Variants in SBF2 observed in about 807,000 individuals in gnomAD.
The protein encoded by SBF2 is myotubularin-related protein 13.
A neutral mutation model predicts 225.2 loss-of-function variants in SBF2; 112 were observed. The ratio of observed to expected loss-of-function variants is 0.50; its 90% CI spans 0.43 to 0.58. The LOEUF (loss-of-function observed/expected upper bound fraction) is 0.58, where lower values mean the gene tolerates loss of function less well. Ranked by LOEUF, SBF2 falls within the 20% of genes least tolerant of loss-of-function variation. The probability of loss-of-function intolerance (pLI) is 0.00; values close to 1 mark genes in which losing one functional copy is unlikely to be tolerated. For synonymous variants in SBF2, 763 were observed against 773.3 expected (o/e 0.99, Z 0.22); for missense variants, 1,996 against 2,206.2 (o/e 0.90, Z 1.91).
intron 1 of SBF2, among the ~76,000 whole-genome samples, chr11:10,204,170 A>G (rs1462043808): frequency 1.3e-5 from 2 of 151,716 alleles, no homozygotes; most frequent in African/African-American, 4.8e-5. Context: ...TATAAGAATG[A>G]CAGCAGACTT....
At chr11:9,796,538 G>C (rs1488747335) in intron 32 of SBF2, among the ~76,000 whole-genome samples, 1 of 152,166 alleles carries the variant, frequency 6.6e-6, no homozygotes, top group African/African-American at 2.4e-5. Context: ...GATGTTTTCT[G>C]GTCAAAAGAA....
At position 10,179,102 on chromosome 11, in the gene SBF2, C is replaced by T. The variant is rs531771871; in HGVS notation, c.141+14800G>A. On this transcript the variant is annotated intron_variant, in intron 2 of 39. Coordinates refer to ENST00000256190, the MANE Select transcript of SBF2 (RefSeq NM_030962.4). ...AGTAAACTATCGCAAGAACAAAAAA[C>T]GAAACACCACATATTCTCACTCATA... Among the ~76,000 whole-genome samples, 567 of 149,706 alleles carry T rather than the reference C, an allele frequency of 3.8e-3. 6 individuals are homozygous for T. Among genetic ancestry groups the T allele is most frequent in the South Asian group, 5.7e-3 (27 of 4,758 alleles).
chr11:10,283,445 C>G (rs59709366), intron 1 of SBF2, among the ~76,000 whole-genome samples: 4,895 of 152,018 alleles, frequency 0.032, 236 homozygotes, highest in African/African-American at 0.1. Flanking sequence ...TCTAGCTTGT[C>G]TCTCTCATAG....
chr11:9,945,824 T>C (rs912287575), intron 16 of SBF2, among the ~76,000 whole-genome samples: 1 of 151,764 alleles, frequency 6.6e-6, no homozygotes, highest in African/African-American at 2.4e-5. Context: ...AACAAGTATA[T>C]AAAAAATGTT....
Position 9,787,652 on chromosome 11 carries a change from T to A in SBF2, c.5019A>T (p.Glu1673Asp). The A allele has an allele frequency of 6.2e-7, 1 of 1,613,964 alleles. No individual in the cohort carries two copies. Among genetic ancestry groups the A allele is most frequent in the Non-Finnish European group, 8.5e-7 (1 of 1,179,838 alleles). ...AACTCACGCGATCTGTTCTTGGTTC[T>A]TCTTTAAGGTCCACGGTTACCCTTT... ...LWERVTVDLK[E>D]EPRTDRSQRH... Residue 1673 changes from glutamate (E) to aspartate (D), a missense_variant, in exon 36 of 40, where the codon GAA becomes GAT. By Grantham distance (45) the Glu-to-Asp change is conservative (BLOSUM62 2). Coordinates refer to ENST00000256190, the MANE Select transcript of SBF2 (RefSeq NM_030962.4).
At chr11:9,832,541 A>G in intron 26 of SBF2, 121 bp from the exon 27 acceptor site, 1 of 714,056 alleles carries the variant, frequency 1.4e-6, no homozygotes, top group Non-Finnish European at 2.5e-6. Flanking sequence ...CTAATATCAT[A>G]GTAATTTTCT....
At chr11:9,998,185 T>C (rs996727031) in intron 9 of SBF2, 81 bp downstream of exon 9, 25 of 832,680 alleles carry the variant, frequency 3.0e-5, no homozygotes, top group East Asian at 2.5e-4. Context: ...ACAAACTGCA[T>C]TGACAAACAT....
rs1855455928 is a variant in SBF2 at position 9,832,400 on chromosome 11, A to G, written c.3476T>C (p.Val1159Ala). Reference sequence around the variant, plus strand: ...ACTACTGTCCTGTACAGCTTGAGGTACGACTAAAAGGCCAGGATAGCTTCA... The same window carrying G: ...ACTACTGTCCTGTACAGCTTGAGGTGCGACTAAAAGGCCAGGATAGCTTCA... The part of the protein sequence containing the change: ...LCRSYPGLLV[V>A]PQAVQDSSLP... Residue 1159 changes from valine to alanine, a missense_variant, in exon 27 of 40, where the codon GTA becomes GCA. Val to Ala is a moderately conservative substitution (Grantham distance 64). Transcript: ENST00000256190. 6.2e-7 allele frequency: 1 copy of G among 1,613,940 alleles called. No homozygotes were observed. The highest frequency in any genetic ancestry group is 8.5e-7 in the Non-Finnish European group (1 of 1,179,854).
chr11:9,819,128 A>C (rs970881535), intron 28 of SBF2: 1 of 152,238 alleles, frequency 6.6e-6, no homozygotes, highest in Admixed American at 6.5e-5. Flanking sequence ...ATGAGAATAA[A>C]GGATATAATT....
intron 1 of SBF2, among the ~76,000 whole-genome samples, chr11:10,233,445 T>A (rs190422018): frequency 2.1e-4 from 32 of 152,122 alleles, no homozygotes; most frequent in Non-Finnish European, 5.9e-5. Context: ...TTATGAATAA[T>A]CCATATTTCA....
chr11:9,907,704 A>C (rs1045745540), intron 16 of SBF2, among the ~76,000 whole-genome samples: 1 of 152,204 alleles, frequency 6.6e-6, no homozygotes, highest in African/African-American at 2.4e-5. Flanking sequence ...TGAATGGACC[A>C]AGTCACTTTT....
chr11:10,046,929 A>C (rs1949888358), intron 2 of SBF2, among the ~76,000 whole-genome samples: 1 of 151,796 alleles, frequency 6.6e-6, no homozygotes, highest in African/African-American at 2.4e-5. Flanking sequence ...ATTAAAAACA[A>C]GTTCTAAGAT....
intron 2 of SBF2, among the ~76,000 whole-genome samples, chr11:10,084,023 T>G (rs1951461273): frequency 6.6e-6 from 1 of 152,000 alleles, no homozygotes. Context: ...ACCAAAAAGC[T>G]TATGCACAGC....
chr11:9,964,057 C>T (rs1195482031), intron 14 of SBF2, among the ~76,000 whole-genome samples, 175 bp from the exon 15 acceptor site: 6 of 152,088 alleles, frequency 3.9e-5, no homozygotes, highest in African/African-American at 1.4e-4. Context: ...TTGAGACAAG[C>T]CTGGGCAACA....
rs568001042 is a variant in SBF2, at chr11:10,009,527, G to C, written c.620-6838C>G. 2.6e-5 allele frequency among the ~76,000 whole-genome samples: 4 copies of C among 152,182 alleles called. No homozygotes were observed. In the East Asian group the frequency reaches 7.7e-4, roughly 29 times the overall value. ...ATGCGGTGTTTGGTTTTCTGTTCCTGTATTAGTTTGCTGAGAATGATGGTT... is the reference window on the plus strand; with the variant it reads ...ATGCGGTGTTTGGTTTTCTGTTCCTCTATTAGTTTGCTGAGAATGATGGTT... On this transcript the variant is annotated intron_variant, in intron 6 of 39. Coordinates refer to ENST00000256190, the MANE Select transcript of SBF2 (RefSeq NM_030962.4).
rs184302004 is a variant in SBF2, at chr11:9,893,639, C to A, written c.1929+2304G>T. On this transcript the variant is annotated intron_variant, in intron 17 of 39. Transcript: ENST00000256190. The stretch of plus-strand genomic sequence containing the variant: ...AGCTTCCTATCAAGTTTCACTAGCA[C>A]CCTAGAAGTTTCACGGCCATCCTAG... Among the ~76,000 whole-genome samples, 10 of 152,260 alleles carry A rather than the reference C, an allele frequency of 6.6e-5. No individual in the cohort carries two copies. In the East Asian group the frequency reaches 7.7e-4, roughly 12 times the overall value.
chr11:9,833,070 A>T (rs1042677000), intron 26 of SBF2, among the ~76,000 whole-genome samples: 5 of 152,228 alleles, frequency 3.3e-5, no homozygotes, highest in Admixed American at 3.3e-4. Flanking sequence ...TAGATCACTG[A>T]GATGACATTA....
intron 6 of SBF2, among the ~76,000 whole-genome samples, chr11:10,006,075 A>G (rs1211551597): frequency 6.6e-6 from 1 of 152,042 alleles, no homozygotes; most frequent in Non-Finnish European, 1.5e-5. Context: ...TTTCAACTCA[A>G]ATTGGCTCTT....
chr11:10,107,877 G>C (rs1259254142), intron 2 of SBF2, among the ~76,000 whole-genome samples: 2 of 152,096 alleles, frequency 1.3e-5, no homozygotes, highest in Non-Finnish European at 2.9e-5. Context: ...ACATCTTTTG[G>C]GGTGGGGACA....
Sources: allele counts gnomAD v4.1 joint callset (sites outside exome capture counted in the v4.1 genomes callset), GRCh38; gene constraint gnomAD v4.1.1; transcripts MANE v1.5; gene names NCBI Gene and HGNC (gene_info 2026-07-23, HGNC 2026-07-21).